CADM2: variants seen among roughly 807,000 people sequenced by gnomAD.
CADM2 encodes the protein cell adhesion molecule 2.
In CADM2, 12 loss-of-function variants were observed where a neutral mutation model predicts 49.8. The observed-to-expected ratio is 0.24, with a 90% CI of 0.15 to 0.39. The LOEUF (loss-of-function observed/expected upper bound fraction) is 0.39, where lower values mean the gene tolerates loss of function less well. Among genes scored for constraint, CADM2 ranks in the 10% least tolerant of loss-of-function variants. The pLI is 1.00. For synonymous variants in CADM2, 214 were observed against 175.4 expected (o/e 1.22, Z -1.74); for missense variants, 378 against 492.3 (o/e 0.77, Z 2.20).
At chr3:85,115,022 T>C (rs2038592648) in intron 1 of CADM2, among the ~76,000 whole-genome samples, 1 of 152,228 alleles carries the variant, frequency 6.6e-6, no homozygotes, top group African/African-American at 2.4e-5. Flanking sequence ...AAAGTCTTAA[T>C]GAAGTCTCAA....
chr3:85,027,650 C>G (rs1189453504), intron 1 of CADM2, among the ~76,000 whole-genome samples: 2 of 151,840 alleles, frequency 1.3e-5, no homozygotes, highest in African/African-American at 4.8e-5. Context: ...AGAATGTTTT[C>G]AGAATAATAA....
intron 1 of CADM2, among the ~76,000 whole-genome samples, chr3:85,705,480 G>C (rs1409096783): frequency 1.3e-5 from 2 of 152,002 alleles, no homozygotes; most frequent in African/African-American, 4.8e-5. Context: ...GAGTAGACTG[G>C]GTAAATGAAC....
At chr3:85,631,057 C>G (rs1276070169) in intron 1 of CADM2, among the ~76,000 whole-genome samples, 2 of 151,986 alleles carry the variant, frequency 1.3e-5, no homozygotes, top group Admixed American at 1.3e-4. Context: ...TTTTATTCCT[C>G]AAAAACATCA....
intron 1 of CADM2, among the ~76,000 whole-genome samples, chr3:85,456,924 G>A (rs1245829036): frequency 1.3e-5 from 2 of 150,744 alleles, no homozygotes; most frequent in African/African-American, 4.9e-5. Context: ...AAACGGATGT[G>A]TGCAGTTTAA....
At chr3:85,071,629 A>G (rs2036747832) in intron 1 of CADM2, among the ~76,000 whole-genome samples, 2 of 152,166 alleles carry the variant, frequency 1.3e-5, no homozygotes. Flanking sequence ...GATGAATATA[A>G]TATTGAATTT....
In CADM2 at chr3:85,568,439, CTT is replaced by C. The variant is rs1249814769; in HGVS notation, c.62-158081_62-158080del. On this transcript the variant is annotated intron_variant, in intron 1 of 9. Coordinates refer to ENST00000383699, the MANE Select transcript of CADM2 (RefSeq NM_001167675.2). ...TCTTTCTTTCTTTCTTTCTTTCTTT[CTT>C]TCTTTCTTTCTTTCTTTCTTTCTCT... Among the ~76,000 whole-genome samples the C allele has an allele frequency of 6.8e-3, 240 of 35,390 alleles. 13 individuals carry two copies. Among genetic ancestry groups the C allele is most frequent in the African/African-American group, 0.018 (192 of 10,630 alleles). 23.2% of individuals were successfully genotyped at this position (35,390 alleles called of 152,430 possible).
chr3:85,557,360 A>C (rs1449458405), intron 1 of CADM2, among the ~76,000 whole-genome samples: 1 of 151,976 alleles, frequency 6.6e-6, no homozygotes, highest in Non-Finnish European at 1.5e-5. Context: ...AATGAAAATA[A>C]AATAAACAAC....
chr3:85,369,583 A>G (rs2033047156), intron 1 of CADM2, among the ~76,000 whole-genome samples: 1 of 152,196 alleles, frequency 6.6e-6, no homozygotes. Flanking sequence ...CAGCCTGACC[A>G]ACATGGAGAA....
chr3:85,764,221 A>G (rs933237709), intron 2 of CADM2, among the ~76,000 whole-genome samples: 1 of 152,118 alleles, frequency 6.6e-6, no homozygotes, highest in Non-Finnish European at 1.5e-5. Context: ...ATGAACAGCA[A>G]TTTCCCAGAG....
At chr3:85,776,566 T>C (rs2070372259) in intron 2 of CADM2, among the ~76,000 whole-genome samples, 1 of 152,066 alleles carries the variant, frequency 6.6e-6, no homozygotes, top group African/African-American at 2.4e-5. Context: ...GAAATTCCCA[T>C]CTTGCCATTC....
intron 1 of CADM2, among the ~76,000 whole-genome samples, chr3:85,120,002 C>G (rs2038793994): frequency 6.6e-6 from 1 of 152,152 alleles, no homozygotes; most frequent in Admixed American, 6.5e-5. Flanking sequence ...ATAAAATAAA[C>G]AATCCCATCA....
intron 1 of CADM2, among the ~76,000 whole-genome samples, chr3:85,710,161 A>C (rs765193435): frequency 2.6e-5 from 4 of 152,174 alleles, no homozygotes; most frequent in Non-Finnish European, 4.4e-5. Context: ...ATGGAACACC[A>C]TTTTCTTATT....
chr3:85,670,448 C>T (rs1559582632), intron 1 of CADM2, among the ~76,000 whole-genome samples: 1 of 152,058 alleles, frequency 6.6e-6, no homozygotes, highest in Non-Finnish European at 1.5e-5. Flanking sequence ...AGTCATTAAA[C>T]ATGATTTCAA....
In CADM2 at chr3:85,294,503, C is replaced by G. The variant is rs200064602; in HGVS notation, c.61+334835C>G. ...CCAAGTCAATCCTAAGCCAAAAGAA[C>G]AAAGCTGGAGGCATCACACTACCTG... On this transcript the variant is annotated intron_variant, in intron 1 of 9. Coordinates refer to ENST00000383699, the MANE Select transcript of CADM2 (RefSeq NM_001167675.2). 3.3e-5 allele frequency among the ~76,000 whole-genome samples: 5 copies of G among 152,140 alleles called. No individual in the cohort carries two copies. The East Asian group carries it at 9.7e-4, about 29-fold the overall frequency.
chr3:85,195,145 A>G (rs1036174398), intron 1 of CADM2, among the ~76,000 whole-genome samples: 3 of 152,138 alleles, frequency 2.0e-5, no homozygotes, highest in Non-Finnish European at 4.4e-5. Context: ...TGCCCAAAAC[A>G]TGTCAAGAGG....
chr3:85,777,781 C>A (rs1051094471), intron 2 of CADM2, among the ~76,000 whole-genome samples: 3 of 152,060 alleles, frequency 2.0e-5, no homozygotes, highest in African/African-American at 4.8e-5. Flanking sequence ...TGTAGGCAAA[C>A]CAATTTAAAG....
intron 3 of CADM2, among the ~76,000 whole-genome samples, chr3:85,866,879 C>T (rs758449352): frequency 2.6e-5 from 4 of 151,922 alleles, no homozygotes; most frequent in African/African-American, 7.2e-5. Context: ...CATGCACAAA[C>T]GTGCATTCAT....
chr3:84,961,363 G>A (rs1160363166), intron 1 of CADM2, among the ~76,000 whole-genome samples: 2 of 152,120 alleles, frequency 1.3e-5, no homozygotes, highest in African/African-American at 4.8e-5. Flanking sequence ...GAAAATTTTG[G>A]TGGTACTTTT....
At chr3:85,110,387 C>A (rs2038404410) in intron 1 of CADM2, among the ~76,000 whole-genome samples, 1 of 151,792 alleles carries the variant, frequency 6.6e-6, no homozygotes, top group Non-Finnish European at 1.5e-5. Flanking sequence ...AAGAGAGACA[C>A]AACACTCTCA....
Sources: gnomAD v4.1 joint callset for allele counts (sites outside exome capture counted in the v4.1 genomes callset) on GRCh38, gnomAD v4.1.1 for gene constraint, MANE v1.5 for transcripts, NCBI Gene and HGNC (gene_info 2026-07-23, HGNC 2026-07-21) for gene names.